The following GABRG3 variants were observed in gnomAD, a reference collection of about 807,000 sequenced individuals.
The protein encoded by GABRG3 is gamma-aminobutyric acid type A receptor subunit gamma3.
GABRG3 carries 25 observed loss-of-function variants against 48.8 expected under a neutral mutation model. That is an observed-to-expected ratio of 0.51 (90% CI 0.37 to 0.72). GABRG3 has a LOEUF of 0.72. GABRG3 is among the 30% of genes least tolerant of loss of function. The pLI is 0.00. For synonymous variants in GABRG3, 227 were observed against 217.6 expected (o/e 1.04, Z -0.38); for missense variants, 394 against 577.9 (o/e 0.68, Z 3.26).
intron 5 of GABRG3, among the ~76,000 whole-genome samples, chr15:27,343,712 A>G (rs1894268549): frequency 6.6e-6 from 1 of 152,244 alleles, no homozygotes; most frequent in Non-Finnish European, 1.5e-5. Flanking sequence ...GCTGTTACCT[A>G]TTCAGAACAC....
Position 27,534,031 on chromosome 15 carries a change from T to G in GABRG3, c.*1150T>G, listed in dbSNP as rs1246328446. On this transcript the variant is annotated 3_prime_UTR_variant, in exon 10 of 10. Coordinates refer to ENST00000615808, the MANE Select transcript of GABRG3 (RefSeq NM_033223.5). ...TTTTGTATTTTTGTTTTTTGTTTTT[T>G]GGGTTTTTTTAGTAGAGACGGGGTT... The G allele has an allele frequency of 6.6e-6, 1 of 151,942 alleles. No homozygotes were observed. The highest frequency in any genetic ancestry group is 1.5e-5 in the Non-Finnish European group (1 of 68,028). 9.4% of individuals were successfully genotyped at this position (151,942 alleles called of 1,614,324 possible).
intron 5 of GABRG3, among the ~76,000 whole-genome samples, chr15:27,334,123 C>T (rs1462851980): frequency 1.3e-5 from 2 of 152,130 alleles, no homozygotes; most frequent in Non-Finnish European, 2.9e-5. Flanking sequence ...ATGTGTCTAG[C>T]TTAGTATAGC....
At chr15:27,061,327 C>T (rs951871973) in intron 3 of GABRG3, among the ~76,000 whole-genome samples, 1 of 152,170 alleles carries the variant, frequency 6.6e-6, no homozygotes, top group Admixed American at 6.5e-5. Flanking sequence ...GAGAACACCG[C>T]ACTGCCTGCT....
At chr15:27,173,686 A>G (rs562749008) in intron 3 of GABRG3, among the ~76,000 whole-genome samples, 75 of 149,220 alleles carry the variant, frequency 5.0e-4, no homozygotes, top group African/African-American at 1.6e-3. Flanking sequence ...TGGGCAACAG[A>G]GCAAGATACT....
chr15:27,065,045 C>T (rs911331661), intron 3 of GABRG3, among the ~76,000 whole-genome samples: 3 of 151,998 alleles, frequency 2.0e-5, no homozygotes, highest in Admixed American at 6.5e-5. Flanking sequence ...GAGCAGGTGC[C>T]GTGTGGTGGG....
chr15:27,408,686 C>A (rs942355609), intron 5 of GABRG3, among the ~76,000 whole-genome samples: 2 of 152,134 alleles, frequency 1.3e-5, no homozygotes, highest in Non-Finnish European at 2.9e-5. Context: ...CTGCAGAGGA[C>A]AATAGAATTT....
At chr15:27,491,049 C>T (rs567191258) in intron 6 of GABRG3, among the ~76,000 whole-genome samples, 5 of 152,362 alleles carry the variant, frequency 3.3e-5, no homozygotes, top group African/African-American at 4.8e-5. Context: ...CAGAACACCA[C>T]GCATGAGAGG....
intron 2 of GABRG3, among the ~76,000 whole-genome samples, chr15:27,011,826 C>T (rs142126789): frequency 0.053 from 7,767 of 146,002 alleles, 274 homozygotes; most frequent in East Asian, 0.18. Context: ...CCAGGCTGGG[C>T]GACAGAGCAA....
intron 3 of GABRG3, among the ~76,000 whole-genome samples, chr15:27,316,627 C>G (rs917121289): frequency 6.6e-6 from 1 of 152,154 alleles, no homozygotes; most frequent in East Asian, 1.9e-4. Context: ...ATACTCTACG[C>G]TTTTAACTTA....
chr15:27,450,325 G>A (rs976732800), intron 5 of GABRG3, among the ~76,000 whole-genome samples: 1 of 152,112 alleles, frequency 6.6e-6, no homozygotes, highest in African/African-American at 2.4e-5. Context: ...CAAAAGACTA[G>A]CCAAATGAAT....
rs1255333174 is a variant in GABRG3, at chr15:27,231,008, A to AAT, written c.271-95800_271-95799dup. ...GGTTGAGCCAAGTTTAAAACAGTAA[A>AAT]ATGTGTGTGTGTGTGTGTGTGTGTG... On this transcript the variant is annotated intron_variant, in intron 3 of 9. Transcript: ENST00000615808. Among the ~76,000 whole-genome samples, 14 of 120,584 alleles carry AAT rather than the reference A, an allele frequency of 1.2e-4. No homozygotes were observed. The East Asian group carries it at 1.6e-3, about 14-fold the overall frequency. The allele number at this position is 120,584 out of a possible 152,430, so 79.1% of individuals were successfully genotyped here.
chr15:27,266,343 T>A (rs1485092832), intron 3 of GABRG3, among the ~76,000 whole-genome samples: 1 of 152,218 alleles, frequency 6.6e-6, no homozygotes, highest in Non-Finnish European at 1.5e-5. Context: ...GATTATCTTC[T>A]GCATTGGTTT....
At chr15:27,132,141 A>G (rs1897926445) in intron 3 of GABRG3, among the ~76,000 whole-genome samples, 1 of 152,036 alleles carries the variant, frequency 6.6e-6, no homozygotes, top group Non-Finnish European at 1.5e-5. Flanking sequence ...GTTTGATGTA[A>G]TCCAATTTGT....
intron 6 of GABRG3, among the ~76,000 whole-genome samples, chr15:27,501,757 C>CAG: frequency 6.6e-6 from 1 of 152,238 alleles, no homozygotes; most frequent in South Asian, 2.1e-4. Flanking sequence ...AGTTCTGTCT[C>CAG]GTTTGGTTGT....
At chr15:27,157,023 C>G (rs559129630) in intron 3 of GABRG3, among the ~76,000 whole-genome samples, 1 of 152,140 alleles carries the variant, frequency 6.6e-6, no homozygotes, top group African/African-American at 2.4e-5. Flanking sequence ...GACTCCCTCC[C>G]CCAGCCCCAA....
At chr15:27,397,605 T>G (rs1238242317) in intron 5 of GABRG3, among the ~76,000 whole-genome samples, 1 of 152,164 alleles carries the variant, frequency 6.6e-6, no homozygotes, top group Non-Finnish European at 1.5e-5. Flanking sequence ...GCTCTGAAAT[T>G]TGCCTCCGCC....
intron 3 of GABRG3, among the ~76,000 whole-genome samples, chr15:27,097,183 C>T (rs1305133197): frequency 2.6e-5 from 4 of 151,914 alleles, no homozygotes; most frequent in African/African-American, 7.3e-5. Flanking sequence ...GATCCTTCTA[C>T]CAGACTTTGA....
At chr15:27,282,312 T>C (rs77280297) in intron 3 of GABRG3, among the ~76,000 whole-genome samples, 166 of 152,322 alleles carry the variant, frequency 1.1e-3, no homozygotes, top group African/African-American at 3.9e-3. Flanking sequence ...ATTTTCTTTC[T>C]TCTCTCCTTT....
intron 3 of GABRG3, among the ~76,000 whole-genome samples, chr15:27,167,059 C>T (rs768864644): frequency 6.6e-6 from 1 of 152,156 alleles, no homozygotes; most frequent in Admixed American, 6.5e-5. Flanking sequence ...CCCCTCTCTC[C>T]AGGCCCTCTC....
Sources: gnomAD v4.1 joint callset for allele counts (sites outside exome capture counted in the v4.1 genomes callset) on GRCh38, gnomAD v4.1.1 for gene constraint, MANE v1.5 for transcripts, NCBI Gene and HGNC (gene_info 2026-07-23, HGNC 2026-07-21) for gene names.